RAB3IP: variants seen among roughly 807,000 people sequenced by gnomAD.
RAB3IP encodes the protein rab-3A-interacting protein.
A neutral mutation model predicts 59.1 loss-of-function variants in RAB3IP; 36 were observed. The observed-to-expected ratio is 0.61, with a 90% CI of 0.47 to 0.80. The LOEUF (loss-of-function observed/expected upper bound fraction) is 0.80, where lower values mean the gene tolerates loss of function less well. RAB3IP is among the 30% of genes least tolerant of loss of function. RAB3IP has a pLI of 0.00. For synonymous variants in RAB3IP, 207 were observed against 191.2 expected (o/e 1.08, Z -0.68); for missense variants, 511 against 536.0 (o/e 0.95, Z 0.46).
At position 69,818,642 on chromosome 12, in the gene RAB3IP, C is replaced by T. The variant is rs892980153; in HGVS notation, c.*3196C>T. 1.3e-5 allele frequency: 2 copies of T among 151,656 alleles called. No individual in the cohort carries two copies. Among genetic ancestry groups the T allele is most frequent in the Admixed American group, 6.6e-5 (1 of 15,234 alleles). The allele number at this position is 151,656 out of a possible 1,614,324, so 9.4% of individuals were successfully genotyped here. On this transcript the variant is annotated 3_prime_UTR_variant, in exon 11 of 11. Transcript: ENST00000247833. ...ACATGGCAGCAAAATGAATGAATAC[C>T]AGCTACTTGCAGCACAATAACTCAG...
At chr12:69,808,377 G>C (rs974052168) in intron 8 of RAB3IP, among the ~76,000 whole-genome samples, 2 of 152,286 alleles carry the variant, frequency 1.3e-5, no homozygotes, top group African/African-American at 4.8e-5. Flanking sequence ...GTTGATTTGG[G>C]GTGGAGAGTT....
chr12:69,807,935 C>T (rs1465004734), intron 8 of RAB3IP, among the ~76,000 whole-genome samples: 1 of 152,140 alleles, frequency 6.6e-6, no homozygotes, highest in Admixed American at 6.5e-5. Context: ...TCCTCACCTC[C>T]CAGACGGGTT....
At chr12:69,805,099 T>A (rs1387340461) in intron 8 of RAB3IP, among the ~76,000 whole-genome samples, 2 of 152,256 alleles carry the variant, frequency 1.3e-5, no homozygotes, top group South Asian at 2.1e-4. Context: ...TATGGCCATT[T>A]TCACAATATT....
At chr12:69,765,239 A>T (rs534486171) in intron 3 of RAB3IP, among the ~76,000 whole-genome samples, 1 of 151,872 alleles carries the variant, frequency 6.6e-6, no homozygotes, top group South Asian at 2.1e-4. Flanking sequence ...AAGCCTTCCA[A>T]TTTTTGTCCA....
intron 3 of RAB3IP, among the ~76,000 whole-genome samples, chr12:69,756,999 TAA>T (rs1870342903): frequency 6.6e-6 from 1 of 152,254 alleles, no homozygotes; most frequent in African/African-American, 2.4e-5. Context: ...CATGGCTGAC[TAA>T]ATGGTTATTT....
intron 4 of RAB3IP, chr12:69,785,034 A>T (rs1875398455): frequency 6.6e-6 from 2 of 301,606 alleles, no homozygotes; most frequent in African/African-American, 4.4e-5. Flanking sequence ...CAGATTATTT[A>T]AAAATGTATG....
intron 6 of RAB3IP, chr12:69,796,622 A>G: frequency 1.6e-6 from 1 of 631,504 alleles, no homozygotes; most frequent in Non-Finnish European, 2.9e-6. Flanking sequence ...ATTTTGACGA[A>G]TTATCAATAA....
chr12:69,791,762 G>C (rs904851220), intron 4 of RAB3IP, among the ~76,000 whole-genome samples: 13 of 152,168 alleles, frequency 8.5e-5, no homozygotes, highest in African/African-American at 2.9e-4. Flanking sequence ...GGAAGTTTCT[G>C]CTCAAAAAAT....
In RAB3IP at chr12:69,770,017, A is replaced by G. The variant is rs116773154; in HGVS notation, c.510+13354A>G. On this transcript the variant is annotated intron_variant, in intron 3 of 10. Coordinates refer to ENST00000247833, the MANE Select transcript of RAB3IP (RefSeq NM_022456.5). ...CAAAAGGATCTCACTGTGATATGAC[A>G]TCAAAACAGAAAGGCACAAAAAAGC... 1.1e-3 allele frequency among the ~76,000 whole-genome samples: 172 copies of G among 152,284 alleles called. 1 individual carries two copies. The highest frequency in any genetic ancestry group is 4.0e-3 in the African/African-American group (168 of 41,552).
chr12:69,780,452 A>G (rs919266055), intron 3 of RAB3IP, among the ~76,000 whole-genome samples: 1 of 152,182 alleles, frequency 6.6e-6, no homozygotes, highest in Non-Finnish European at 1.5e-5. Context: ...CAAACCCACC[A>G]GGGTAGCCCA....
chr12:69,794,290 A>C (rs779625535), intron 4 of RAB3IP, 147 bp from the exon 5 acceptor site: 4 of 630,154 alleles, frequency 6.3e-6, no homozygotes, highest in Non-Finnish European at 1.1e-5. Flanking sequence ...TCTGTTGTCA[A>C]CTGCTGCTTC....
At chr12:69,796,022 C>G (rs768403989) in intron 6 of RAB3IP, 1 of 152,222 alleles carries the variant, frequency 6.6e-6, no homozygotes, top group Non-Finnish European at 1.5e-5. Flanking sequence ...AATAATGGGC[C>G]GGGCATGGTG....
In RAB3IP at chr12:69,817,111, C is replaced by G. The variant is rs1474625957; in HGVS notation, c.*1665C>G. 3.3e-5 allele frequency: 5 copies of G among 152,052 alleles called. No individual in the cohort carries two copies. Among genetic ancestry groups the G allele is most frequent in the Non-Finnish European group, 7.4e-5 (5 of 67,988 alleles). The allele number at this position is 152,052 out of a possible 1,614,324, so 9.4% of individuals were successfully genotyped here. A position where few individuals can be genotyped will look rare whatever the true frequency, so the allele number is the denominator to read the frequency against. On this transcript the variant is annotated 3_prime_UTR_variant, in exon 11 of 11. Transcript: ENST00000247833. Reference sequence around the variant, plus strand: ...GAAAGTACCTAAATAAAAAGAGAAACAAATCCAGGAGATACTGTACGGTTT... The same window carrying G: ...GAAAGTACCTAAATAAAAAGAGAAAGAAATCCAGGAGATACTGTACGGTTT...
intron 3 of RAB3IP, among the ~76,000 whole-genome samples, chr12:69,772,767 A>G (rs1269633279): frequency 1.1e-4 from 16 of 152,188 alleles, no homozygotes; most frequent in African/African-American, 2.4e-5. Flanking sequence ...AAAGTATTAC[A>G]GTTCTTATTT....
chr12:69,758,756 C>CTTTTTTTTT (rs71437121), intron 3 of RAB3IP, among the ~76,000 whole-genome samples: 37 of 48,218 alleles, frequency 7.7e-4, no homozygotes, highest in African/African-American at 2.3e-3. Flanking sequence ...GTGTTCATTC[C>CTTTTTTTTT]TTTTTTTTTT....
chr12:69,812,854 A>G lies in RAB3IP; in HGVS notation c.1207A>G (p.Ile403Val), dbSNP rs772345551. 81 of 1,612,728 alleles carry G rather than the reference A, an allele frequency of 5.0e-5. No individual in the cohort carries two copies. Among genetic ancestry groups the G allele is most frequent in the Non-Finnish European group, 6.4e-5 (76 of 1,178,852 alleles). ...KLGDSSNYYY[I>V]SPFCRYRITS... ...AGGGGACTCAAGCAACTATTATTAT[A>G]TTTCTCCTTTTTGCAGATACAGGGT... Residue 403 changes from isoleucine to valine, a missense_variant, in exon 9 of 11, where the codon ATT becomes GTT. Physicochemically the swap from Ile to Val is conservative, Grantham distance 29. Coordinates refer to ENST00000247833, the MANE Select transcript of RAB3IP (RefSeq NM_022456.5).
intron 1 of RAB3IP, among the ~76,000 whole-genome samples, chr12:69,742,430 T>C (rs1369555734): frequency 2.0e-5 from 3 of 152,356 alleles, no homozygotes; most frequent in Non-Finnish European, 1.5e-5. Context: ...AAAAATTTTA[T>C]GCTTTTATAA....
intron 8 of RAB3IP, among the ~76,000 whole-genome samples, chr12:69,808,254 G>T (rs1456613951): frequency 6.6e-6 from 1 of 152,194 alleles, no homozygotes; most frequent in Non-Finnish European, 1.5e-5. Context: ...TGGTCTGAGA[G>T]ACAGTTTGTT....
At chr12:69,805,775 T>C (rs1295506441) in intron 8 of RAB3IP, among the ~76,000 whole-genome samples, 7 of 152,064 alleles carry the variant, frequency 4.6e-5, no homozygotes, top group Admixed American at 6.6e-5. Context: ...TTGTCTTTGG[T>C]TCTGTTTATA....
Sources: allele counts gnomAD v4.1 joint callset (sites outside exome capture counted in the v4.1 genomes callset), GRCh38; gene constraint gnomAD v4.1.1; transcripts MANE v1.5; gene names NCBI Gene and HGNC (gene_info 2026-07-23, HGNC 2026-07-21).